The following CNTNAP2 variants were observed in gnomAD, a reference collection of about 807,000 sequenced individuals.
The protein encoded by CNTNAP2 is contactin associated protein 2.
Under a neutral mutation model 155.2 loss-of-function variants are expected in CNTNAP2, and 98 were observed. The observed-to-expected ratio is 0.63, with a 90% confidence interval of 0.54 to 0.75. CNTNAP2 has a LOEUF of 0.75. Ranked by LOEUF, CNTNAP2 falls within the 30% of genes least tolerant of loss-of-function variation. CNTNAP2 has a pLI of 0.00. For missense variants in CNTNAP2, 1,727 were observed against 1,688.1 expected (o/e 1.02, Z -0.40); for synonymous variants, 651 against 631.2 (o/e 1.03, Z -0.47).
At chr7:148,146,624 G>A (rs1805184024) in intron 16 of CNTNAP2, among the ~76,000 whole-genome samples, 1 of 152,076 alleles carries the variant, frequency 6.6e-6, no homozygotes. Flanking sequence ...ACCCAGATGG[G>A]GAATAACCAA....
intron 12 of CNTNAP2, among the ~76,000 whole-genome samples, chr7:147,636,084 C>G (rs181876716): frequency 6.6e-6 from 1 of 152,064 alleles, no homozygotes; most frequent in Admixed American, 6.6e-5. Context: ...CAGAAAGTGA[C>G]AGAATTACTA....
intron 1 of CNTNAP2, among the ~76,000 whole-genome samples, chr7:146,548,798 G>GTTTTTTTTTTTTTTTTTTT (rs71165013): frequency 8.1e-6 from 1 of 123,718 alleles, no homozygotes; most frequent in Non-Finnish European, 1.7e-5. Context: ...CATTCTCTAG[G>GTTTTTTTTTTTTTTTTTTT]TTTTTTTTTT....
At position 146,266,394 on chromosome 7, in the gene CNTNAP2, T is replaced by C. The variant is rs1799994382; in HGVS notation, c.97+149421T>C. Among the ~76,000 whole-genome samples the C allele has an allele frequency of 1.3e-5, 2 of 152,220 alleles. 1 individual carries two copies. Among genetic ancestry groups the C allele is most frequent in the Admixed American group, 1.3e-4 (2 of 15,280 alleles). On this transcript the variant is annotated intron_variant, in intron 1 of 23. Transcript: ENST00000361727. ...AACACAATTAACTCTTAAAAAATTC[T>C]GTTTTTCTTTAAATCCCCCAGAGTT...
At chr7:147,260,604 C>A (rs1804439706) in intron 8 of CNTNAP2, among the ~76,000 whole-genome samples, 1 of 152,106 alleles carries the variant, frequency 6.6e-6, no homozygotes, top group African/African-American at 2.4e-5. Context: ...AATAGTGATA[C>A]CACAGAACCT....
intron 11 of CNTNAP2, among the ~76,000 whole-genome samples, chr7:147,532,936 G>A (rs1376725606): frequency 6.6e-6 from 1 of 152,112 alleles, no homozygotes; most frequent in Non-Finnish European, 1.5e-5. Context: ...TTTGGGCAGG[G>A]ACACAGCCAA....
At chr7:147,166,011 C>T (rs1802106466) in intron 8 of CNTNAP2, among the ~76,000 whole-genome samples, 1 of 152,118 alleles carries the variant, frequency 6.6e-6, no homozygotes, top group East Asian at 1.9e-4. Context: ...CCCTTTGATC[C>T]AGCAGTCCTA....
At position 147,121,123 on chromosome 7, in the gene CNTNAP2, G is replaced by T; in HGVS notation, c.899G>T (p.Arg300Leu). The T allele has an allele frequency of 1.9e-6, 3 of 1,614,112 alleles. No homozygotes were observed. In the South Asian group the frequency reaches 3.3e-5, roughly 18 times the overall value. The change falls in exon 6 of 24, where the codon CGT (arginine) becomes CTT (leucine). Residue 300 changes from arginine (R) to leucine (L), a missense_variant. Coordinates refer to ENST00000361727, the MANE Select transcript of CNTNAP2 (RefSeq NM_014141.6). ...CTGGACAGGAGCATGCAGCACTTCC[G>T]TACCAATGGAGAGTTTGACTACCTG... is the stretch of plus-strand genomic sequence containing the variant. ...LTLDRSMQHF[R>L]TNGEFDYLDL...
intron 1 of CNTNAP2, among the ~76,000 whole-genome samples, chr7:146,552,506 G>A (rs1419730110): frequency 1.3e-5 from 2 of 152,020 alleles, no homozygotes; most frequent in Non-Finnish European, 2.9e-5. Flanking sequence ...GATTATTACG[G>A]CACACCTTTA....
intron 10 of CNTNAP2, among the ~76,000 whole-genome samples, chr7:147,471,755 G>T (rs1323289980): frequency 6.6e-6 from 1 of 152,192 alleles, no homozygotes; most frequent in East Asian, 1.9e-4. Flanking sequence ...TGAGGAAACA[G>T]ACATGTTCCC....
intron 13 of CNTNAP2, among the ~76,000 whole-genome samples, chr7:147,813,928 T>C (rs570088322): frequency 6.6e-6 from 1 of 152,284 alleles, no homozygotes; most frequent in East Asian, 1.9e-4. Context: ...TTGGGCAATA[T>C]GATGGTGCAC....
intron 13 of CNTNAP2, among the ~76,000 whole-genome samples, chr7:147,704,742 G>A (rs1002749154): frequency 6.6e-6 from 1 of 152,168 alleles, no homozygotes; most frequent in African/African-American, 2.4e-5. Context: ...TTTTTTTACT[G>A]ATTCAATCTC....
chr7:147,671,514 T>A (rs1047960703), intron 13 of CNTNAP2, among the ~76,000 whole-genome samples: 1 of 152,164 alleles, frequency 6.6e-6, no homozygotes, highest in Non-Finnish European at 1.5e-5. Flanking sequence ...AAAAGAAATT[T>A]TTTTTTGGCC....
At chr7:146,630,442 ATG>A (rs1261049032) in intron 1 of CNTNAP2, among the ~76,000 whole-genome samples, 1 of 45,788 alleles carries the variant, frequency 2.2e-5, no homozygotes, top group Non-Finnish European at 5.8e-5. Context: ...TGTGATAAAC[ATG>A]TGTGTGCATG....
At chr7:148,414,258 G>T (rs1799927353) in intron 23 of CNTNAP2, among the ~76,000 whole-genome samples, 2 of 151,764 alleles carry the variant, frequency 1.3e-5, no homozygotes, top group Non-Finnish European at 2.9e-5. Context: ...TGTACTTTTA[G>T]TATAAAAGAC....
intron 3 of CNTNAP2, among the ~76,000 whole-genome samples, chr7:146,914,294 C>G (rs1015594683): frequency 1.3e-5 from 2 of 151,226 alleles, no homozygotes; most frequent in African/African-American, 4.9e-5. Context: ...GATTTTTTTT[C>G]CCTCTGGGTA....
intron 13 of CNTNAP2, among the ~76,000 whole-genome samples, chr7:147,876,671 T>G (rs1194432652): frequency 6.6e-6 from 1 of 152,160 alleles, no homozygotes; most frequent in African/African-American, 2.4e-5. Flanking sequence ...GATATTCCCC[T>G]ACTTTGCTCT....
At position 147,315,224 on chromosome 7, in the gene CNTNAP2, C is replaced by T. The variant is rs147479372; in HGVS notation, c.1498+14934C>T. Among the ~76,000 whole-genome samples, 1,375 of 149,834 alleles carry T rather than the reference C, an allele frequency of 9.2e-3. 31 individuals carry two copies. Among genetic ancestry groups the T allele is most frequent in the African/African-American group, 0.031 (1,284 of 41,076 alleles). ...TAAACAGATTTTCTTTTTTTCTTAT[C>T]ATTTTATTGGCCAAGAAATCATATG... On this transcript the variant is annotated intron_variant, in intron 9 of 23. Transcript: ENST00000361727.
chr7:147,268,334 A>G (rs1429790096), intron 8 of CNTNAP2, among the ~76,000 whole-genome samples: 1 of 152,214 alleles, frequency 6.6e-6, no homozygotes, highest in Non-Finnish European at 1.5e-5. Flanking sequence ...AACTCTATGC[A>G]GCCATGAAAA....
At chr7:146,943,162 C>T (rs1402391808) in intron 3 of CNTNAP2, among the ~76,000 whole-genome samples, 3 of 152,034 alleles carry the variant, frequency 2.0e-5, no homozygotes, top group Non-Finnish European at 2.9e-5. Flanking sequence ...AGTCAATTAA[C>T]GTGTATTTTA....
Sources: allele counts gnomAD v4.1 joint callset (sites outside exome capture counted in the v4.1 genomes callset), GRCh38; gene constraint gnomAD v4.1.1; transcripts MANE v1.5; gene names NCBI Gene and HGNC (gene_info 2026-07-23, HGNC 2026-07-21).